Variants in SPRED2 observed in about 807,000 individuals in gnomAD.
The protein encoded by SPRED2 is sprouty related EVH1 domain containing 2, also known as sprouty-related, EVH1 domain-containing protein 2.
SPRED2 carries 47 observed loss-of-function variants against 43.0 expected under a neutral mutation model. That is an observed-to-expected ratio of 1.09 (90% CI 0.87 to 1.40). The LOEUF (loss-of-function observed/expected upper bound fraction) is 1.40, where lower values mean the gene tolerates loss of function less well. Among genes scored for constraint, SPRED2 ranks in the 40% most tolerant of loss-of-function variants. SPRED2 has a pLI of 0.00. For missense variants in SPRED2, 561 were observed against 586.4 expected (o/e 0.96, Z 0.45); for synonymous variants, 225 against 225.7 (o/e 1.00, Z 0.03).
intron 2 of SPRED2, among the ~76,000 whole-genome samples, chr2:65,339,740 A>G (rs1036436742): frequency 3.9e-5 from 6 of 152,094 alleles, no homozygotes; most frequent in African/African-American, 1.4e-4. Context: ...TCCTAAAAAA[A>G]AAAAAAAGAA....
intron 4 of SPRED2, among the ~76,000 whole-genome samples, chr2:65,317,720 C>T (rs1673286439): frequency 6.6e-6 from 1 of 152,058 alleles, no homozygotes; most frequent in African/African-American, 2.4e-5. Flanking sequence ...AAGGATACCG[C>T]TGGCTGGCGT....
Position 65,312,453 on chromosome 2 carries a change from T to TG in SPRED2, c.*1047dup. 1 of 985,404 alleles carries TG rather than the reference T, an allele frequency of 1.0e-6. No individual in the cohort carries two copies. Among genetic ancestry groups the TG allele is most frequent in the Non-Finnish European group, 1.2e-6 (1 of 829,904 alleles). 61.0% of individuals were successfully genotyped at this position (985,404 alleles called of 1,614,324 possible). On this transcript the variant is annotated 3_prime_UTR_variant, in exon 6 of 6. Coordinates refer to ENST00000356388, the MANE Select transcript of SPRED2 (RefSeq NM_181784.3). ...CCATTAATATAAAATAGCCAGGGGT[T>TG]GGGGGGAAGAAGCTCCCTATGGTTT...
At chr2:65,338,353 A>G (rs1674044369) in intron 2 of SPRED2, among the ~76,000 whole-genome samples, 1 of 146,506 alleles carries the variant, frequency 6.8e-6, no homozygotes, top group Non-Finnish European at 1.5e-5. Flanking sequence ...GCCGGGCCAA[A>G]GCTGGACTGT....
intron 4 of SPRED2, among the ~76,000 whole-genome samples, chr2:65,318,494 T>C (rs1673312434): frequency 6.6e-6 from 1 of 151,330 alleles, no homozygotes; most frequent in African/African-American, 2.4e-5. Flanking sequence ...TTCTGCTTGC[T>C]TAGAGTGACA....
intron 4 of SPRED2, among the ~76,000 whole-genome samples, chr2:65,322,918 A>C (rs1673474285): frequency 6.6e-6 from 1 of 152,188 alleles, no homozygotes; most frequent in Non-Finnish European, 1.5e-5. Context: ...AGCTTTTCCA[A>C]CATAAACCTT....
At chr2:65,361,622 A>T (rs536502590) in intron 1 of SPRED2, among the ~76,000 whole-genome samples, 16 of 152,248 alleles carry the variant, frequency 1.1e-4, no homozygotes, top group Non-Finnish European at 1.8e-4. Context: ...ACACACACAC[A>T]TAATCACAAG....
intron 1 of SPRED2, among the ~76,000 whole-genome samples, chr2:65,346,344 C>A (rs11680063): frequency 6.6e-6 from 1 of 151,100 alleles, no homozygotes; most frequent in Non-Finnish European, 1.5e-5. Flanking sequence ...TTTTTCATTG[C>A]GGTAAAATAT....
At chr2:65,322,154 T>G (rs1373476775) in intron 4 of SPRED2, among the ~76,000 whole-genome samples, 1 of 151,630 alleles carries the variant, frequency 6.6e-6, no homozygotes, top group African/African-American at 2.4e-5. Context: ...TCTGGTTGTT[T>G]TGCTTAGCTC....
At chr2:65,371,732 C>T (rs17475168) in intron 1 of SPRED2, among the ~76,000 whole-genome samples, 2,381 of 151,812 alleles carry the variant, frequency 0.016, 27 homozygotes, top group Non-Finnish European at 0.019. Context: ...ACCTGGCTCT[C>T]GCAGATGAAA....
At chr2:65,392,302 C>G (rs1675658432) in intron 1 of SPRED2, among the ~76,000 whole-genome samples, 1 of 151,714 alleles carries the variant, frequency 6.6e-6, no homozygotes. Context: ...ACTCAGCCTC[C>G]CAACCACAGG....
At position 65,386,980 on chromosome 2, in the gene SPRED2, C is replaced by CTT. The variant is rs5831754; in HGVS notation, c.27-42086_27-42085dup. On this transcript the variant is annotated intron_variant, in intron 1 of 5. Transcript: ENST00000356388. ...ACAGTTTTCTACATATGGCTAAGAG[C>CTT]TTTTTTTTTTTTTTTAAGTTGAACC... 6.5e-4 allele frequency among the ~76,000 whole-genome samples: 94 copies of CTT among 144,686 alleles called. No individual in the cohort carries two copies. The South Asian group carries it at 6.6e-3, about 10-fold the overall frequency. The allele number at this position is 144,686 out of a possible 152,430, so 94.9% of individuals were successfully genotyped here. A position where few individuals can be genotyped will look rare whatever the true frequency, so the allele number is the denominator to read the frequency against.
chr2:65,316,196 T>C (rs1449248153), intron 5 of SPRED2, among the ~76,000 whole-genome samples: 1 of 152,200 alleles, frequency 6.6e-6, no homozygotes, highest in Non-Finnish European at 1.5e-5. Flanking sequence ...TTGGTAAATA[T>C]TTGTTGAACT....
chr2:65,411,346 G>A (rs114843927), intron 1 of SPRED2, among the ~76,000 whole-genome samples: 1,873 of 152,196 alleles, frequency 0.012, 48 homozygotes, highest in Admixed American at 0.066. Context: ...TGCTGCTTGC[G>A]GTGGGAGGGC....
At chr2:65,322,290 A>T (rs1162217046) in intron 4 of SPRED2, among the ~76,000 whole-genome samples, 1,563 of 78,810 alleles carry the variant, frequency 0.02, 51 homozygotes, top group Non-Finnish European at 0.026. Context: ...ATATATATAT[A>T]TATATTTTTT....
intron 1 of SPRED2, among the ~76,000 whole-genome samples, chr2:65,390,190 TAAAAG>T (rs1439225830): frequency 6.6e-6 from 1 of 151,986 alleles, no homozygotes; most frequent in Non-Finnish European, 1.5e-5. Context: ...CCTGGCAAAA[TAAAAG>T]AAAAGGAGAA....
Position 65,316,728 on chromosome 2 carries a change from G to A in SPRED2, c.588+6C>T. 1 of 1,606,722 alleles carries A rather than the reference G, an allele frequency of 6.2e-7. No individual in the cohort carries two copies. Among genetic ancestry groups the A allele is most frequent in the Non-Finnish European group, 8.5e-7 (1 of 1,177,138 alleles). ...ATGCCCTCAGAGGAACAGGGCTGCT[G>A]CTCACCTGATCGAGGTGATAGTGGT... On this transcript the variant is annotated splice_donor_region_variant and intron_variant, in intron 5 of 5. Coordinates refer to ENST00000356388, the MANE Select transcript of SPRED2 (RefSeq NM_181784.3).
intron 1 of SPRED2, among the ~76,000 whole-genome samples, chr2:65,430,179 C>T (rs1372847140): frequency 6.6e-6 from 1 of 152,268 alleles, no homozygotes; most frequent in Non-Finnish European, 1.5e-5. Context: ...GGCCCAGCAG[C>T]ATATTCCTTC....
At chr2:65,334,241 G>A (rs1324406117) in intron 3 of SPRED2, 2 of 473,864 alleles carry the variant, frequency 4.2e-6, no homozygotes, top group African/African-American at 4.0e-5. Flanking sequence ...AGCCTTCTGG[G>A]CCCGCCAGAA....
Position 65,412,298 on chromosome 2 carries a change from G to A in SPRED2, c.26+19664C>T, listed in dbSNP as rs373775119. Among the ~76,000 whole-genome samples the A allele has an allele frequency of 1.6e-4, 24 of 152,222 alleles. 1 individual carries two copies. The South Asian group carries it at 4.6e-3, about 29-fold the overall frequency. ...CATACTCATGGAGGCAGATTCAGGA[G>A]GCCTGGGTGGGCAGCAGACACTGGA... On this transcript the variant is annotated intron_variant, in intron 1 of 5. Transcript: ENST00000356388.
Sources: allele counts gnomAD v4.1 joint callset (sites outside exome capture counted in the v4.1 genomes callset), GRCh38; gene constraint gnomAD v4.1.1; transcripts MANE v1.5; gene names NCBI Gene and HGNC (gene_info 2026-07-23, HGNC 2026-07-21).